Variants in ANKRD30BL observed in about 807,000 individuals in gnomAD.
The protein encoded by ANKRD30BL is putative ankyrin repeat domain-containing protein 30B-like.
Under a neutral mutation model 18.4 loss-of-function variants are expected in ANKRD30BL, and 20 were observed. The observed-to-expected ratio is 1.09, with a 90% CI of 0.77 to 1.58. The LOEUF (loss-of-function observed/expected upper bound fraction) is 1.58. Among genes scored for constraint, ANKRD30BL ranks in the 40% most tolerant of loss-of-function variants. The pLI is 0.00. For missense variants in ANKRD30BL, 224 were observed against 268.6 expected (o/e 0.83, Z 1.16); for synonymous variants, 72 against 100.9 (o/e 0.71, Z 1.72).
chr2:132,187,184 G>GTTTTTTTTTTT (rs1392451243), intron 1 of ANKRD30BL, among the ~76,000 whole-genome samples: 53 of 105,334 alleles, frequency 5.0e-4, no homozygotes, highest in Non-Finnish European at 8.2e-4. Flanking sequence ...TTTTTTTTTT[G>GTTTTTTTTTTT]TTTGTTTTTT....
At chr2:132,222,070 G>C (rs547921143) in intron 1 of ANKRD30BL, among the ~76,000 whole-genome samples, 1 of 137,292 alleles carries the variant, frequency 7.3e-6, no homozygotes, top group Non-Finnish European at 1.5e-5. Context: ...CAGCCGCCCC[G>C]TCCGGGAGGG....
In ANKRD30BL at chr2:132,172,644, A is replaced by AT. The variant is rs573275407; in HGVS notation, n.442-15499dup. ...TATTATATCCACATATACTGATGTC[A>AT]TATCACATATGTGATTTGCAGACAT... is the stretch of plus-strand genomic sequence containing the variant. On this transcript the variant is annotated intron_variant and non_coding_transcript_variant, in intron 1 of 4. Coordinates refer to the ANKRD30BL transcript ENST00000470729. 4.9e-4 allele frequency among the ~76,000 whole-genome samples: 75 copies of AT among 151,674 alleles called. 3 individuals carry two copies. In the South Asian group the frequency reaches 0.016, roughly 32 times the overall value.
chr2:132,191,727 A>G (rs1409961355), intron 1 of ANKRD30BL, among the ~76,000 whole-genome samples: 2 of 143,924 alleles, frequency 1.4e-5, no homozygotes, highest in Non-Finnish European at 3.0e-5. Flanking sequence ...ACTTCTCACT[A>G]TGGAGTTTGA....
chr2:132,226,981 A>G (rs1260398471), intron 1 of ANKRD30BL, among the ~76,000 whole-genome samples: 3 of 151,962 alleles, frequency 2.0e-5, no homozygotes, highest in Non-Finnish European at 4.4e-5. Context: ...TTTTTGTAGA[A>G]TCTGTAAGTG....
intron 1 of ANKRD30BL, among the ~76,000 whole-genome samples, chr2:132,256,180 T>C (rs1051878314): frequency 2.4e-4 from 36 of 152,156 alleles, no homozygotes; most frequent in African/African-American, 8.2e-4. Flanking sequence ...ATGGTTCTGA[T>C]AGGATCAACC....
rs577182893 is a variant in ANKRD30BL, at chr2:132,241,434, G to A, written n.441+16095C>T. Among the ~76,000 whole-genome samples, 325 of 151,662 alleles carry A rather than the reference G, an allele frequency of 2.1e-3. 1 individual carries two copies. Among genetic ancestry groups the A allele is most frequent in the African/African-American group, 7.4e-3 (307 of 41,420 alleles). ...AGAGTTGAACCTTCCCTTTCATAGA[G>A]CAGTTTTGAAGCACTCTTTTTGTAT... On this transcript the variant is annotated intron_variant and non_coding_transcript_variant, in intron 1 of 4. Transcript: ENST00000470729.
intron 1 of ANKRD30BL, among the ~76,000 whole-genome samples, chr2:132,241,690 C>T (rs149780283): frequency 6.7e-6 from 1 of 149,732 alleles, no homozygotes; most frequent in East Asian, 2.0e-4. Flanking sequence ...TAGCTTCACA[C>T]AAAAACTTCA....
intron 3 of ANKRD30BL, chr2:132,154,986 A>T (rs1558911842): frequency 2.6e-6 from 1 of 378,512 alleles, no homozygotes; most frequent in Non-Finnish European, 4.8e-6. Context: ...TCCAAAAATC[A>T]TTATATTGTA....
At chr2:132,158,814 G>A (rs1372863190) in intron 1 of ANKRD30BL, among the ~76,000 whole-genome samples, 11 of 150,714 alleles carry the variant, frequency 7.3e-5, no homozygotes, top group Non-Finnish European at 1.3e-4. Context: ...ATAAAAATAT[G>A]TGTCTAATAA....
At chr2:132,227,050 A>G (rs575133563) in intron 1 of ANKRD30BL, among the ~76,000 whole-genome samples, 11 of 152,260 alleles carry the variant, frequency 7.2e-5, no homozygotes, top group African/African-American at 2.6e-4. Flanking sequence ...TATAAAAACT[A>G]GGCAGAAGCA....
chr2:132,151,281 T>C (rs1010345007), intron 4 of ANKRD30BL, among the ~76,000 whole-genome samples: 1 of 152,168 alleles, frequency 6.6e-6, no homozygotes, highest in Non-Finnish European at 1.5e-5. Context: ...CCAACAGGTA[T>C]TTTTTCTTGA....
At chr2:132,211,266 G>C (rs796808760) in intron 1 of ANKRD30BL, among the ~76,000 whole-genome samples, 2 of 148,594 alleles carry the variant, frequency 1.3e-5, no homozygotes, top group African/African-American at 5.0e-5. Context: ...AAACTTCTTT[G>C]GGGTGTGTGC....
At chr2:132,222,279 C>T (rs1396958954) in intron 1 of ANKRD30BL, among the ~76,000 whole-genome samples, 3 of 151,802 alleles carry the variant, frequency 2.0e-5, no homozygotes, top group Non-Finnish European at 1.5e-5. Context: ...TGCCCGGCCG[C>T]CCCTACTGGG....
intron 1 of ANKRD30BL, among the ~76,000 whole-genome samples, chr2:132,218,859 A>G (rs987155804): frequency 2.0e-5 from 3 of 152,200 alleles, no homozygotes; most frequent in Non-Finnish European, 4.4e-5. Flanking sequence ...GCGTACATTC[A>G]ACTAACAGAG....
chr2:132,227,780 C>A (rs530725232), intron 1 of ANKRD30BL, among the ~76,000 whole-genome samples: 1 of 152,178 alleles, frequency 6.6e-6, no homozygotes, highest in Admixed American at 6.6e-5. Flanking sequence ...GCCTTCAACT[C>A]AAATAGCTGA....
At chr2:132,242,537 A>T (rs962123218) in intron 1 of ANKRD30BL, among the ~76,000 whole-genome samples, 10 of 141,034 alleles carry the variant, frequency 7.1e-5, no homozygotes, top group African/African-American at 3.2e-4. Flanking sequence ...AAAAGGAAAT[A>T]TCTTTCCATT....
chr2:132,239,775 A>C (rs1175853925), intron 1 of ANKRD30BL, among the ~76,000 whole-genome samples: 1 of 151,310 alleles, frequency 6.6e-6, no homozygotes, highest in East Asian at 2.0e-4. Flanking sequence ...GGACATTTGG[A>C]GCGCTTTGAG....
chr2:132,256,616 C>A (rs1203831784), intron 1 of ANKRD30BL, among the ~76,000 whole-genome samples: 1 of 152,172 alleles, frequency 6.6e-6, no homozygotes, highest in Non-Finnish European at 1.5e-5. Flanking sequence ...GGCGGGCCTG[C>A]GGCTTCCCCA....
intron 1 of ANKRD30BL, among the ~76,000 whole-genome samples, chr2:132,239,789 T>G (rs1261056433): frequency 6.6e-6 from 1 of 151,724 alleles, no homozygotes; most frequent in African/African-American, 2.4e-5. Flanking sequence ...CTTTGAGGCC[T>G]AGGGTGAAAA....
Sources: gnomAD v4.1 joint callset for allele counts (sites outside exome capture counted in the v4.1 genomes callset) on GRCh38, gnomAD v4.1.1 for gene constraint, MANE v1.5 for transcripts, NCBI Gene and HGNC (gene_info 2026-07-23, HGNC 2026-07-21) for gene names.